The following PABIR3 variants were observed in gnomAD, a reference collection of about 807,000 sequenced individuals.
PABIR3 encodes PABIR family member 3, also known as PABIR family member 1.
In PABIR3, 20 loss-of-function variants were observed where a neutral mutation model predicts 23.1. The ratio of observed to expected loss-of-function variants is 0.86; its 90% CI spans 0.61 to 1.26. The LOEUF (loss-of-function observed/expected upper bound fraction) is 1.26, where lower values mean the gene tolerates loss of function less well. Ranked by LOEUF, PABIR3 falls within the 50% of genes most tolerant of loss-of-function variation. The pLI, the probability that PABIR3 is intolerant of heterozygous loss-of-function variation, is 0.00. For synonymous variants in PABIR3, 69 were observed against 68.5 expected, an observed-to-expected ratio of 1.01 and a Z score of -0.04; for missense variants, 189 against 195.4, an observed-to-expected ratio of 0.97 and a Z score of 0.20.
chrX:134,845,419 C>A lies in PABIR3; in HGVS notation c.345+18C>A, dbSNP rs138031211. The A allele has an allele frequency of 4.7e-3, 5,432 of 1,160,106 alleles. 149 individuals are homozygous for A. In the African/African-American group the frequency reaches 0.085, roughly 18 times the overall value. On this transcript the variant is annotated intron_variant, in intron 6 of 10. Coordinates refer to ENST00000645433, the MANE Select transcript of PABIR3 (RefSeq NM_001388447.1). ...TGAAACTGGTATGATATTATAACTT[C>A]AGTTTTGTAGAAAATTTCAAATTTT...
chrX:134,825,840 T>G (rs2081481378), intron 3 of PABIR3, among the ~76,000 whole-genome samples: 1 of 102,966 alleles, frequency 9.7e-6, no homozygotes, highest in South Asian at 4.6e-4. Flanking sequence ...TTTTTTTTTT[T>G]TTTTTTTTTG....
intron 2 of PABIR3, chrX:134,810,825 T>C: frequency 1.3e-6 from 1 of 753,077 alleles, no homozygotes; most frequent in African/African-American, 2.3e-5. Context: ...GAATTAAAGA[T>C]ATAGAAACCA....
intron 3 of PABIR3, chrX:134,822,336 T>G (rs776096289): frequency 3.8e-4 from 284 of 748,816 alleles, no homozygotes; most frequent in Non-Finnish European, 4.3e-4. Flanking sequence ...TTGGGGAGAA[T>G]TCTCTTCCAG....
downstream of PABIR3, among the ~76,000 whole-genome samples, chrX:134,858,582 G>A (rs2082759622): frequency 8.9e-6 from 1 of 111,876 alleles, no homozygotes; most frequent in African/African-American, 3.2e-5. Flanking sequence ...TGCCTGAAGT[G>A]TTTTTAAATA....
rs34486506 is a variant in PABIR3 at position 134,821,244 on chromosome X, TAAAAAAAAAAAAAA to T, written c.189+6405_189+6418del. The T allele has an allele frequency of 5.3e-6, 3 of 568,636 alleles. No individual in the cohort carries two copies. In the African/African-American group the frequency reaches 1.1e-4, roughly 21 times the overall value. The allele number at this position is 568,636 out of a possible 1,213,427, so 46.9% of individuals were successfully genotyped here. A position where few individuals can be genotyped will look rare whatever the true frequency, so the allele number is the denominator to read the frequency against. ...AAAGATGCGTATTTTCCAAGCATTG[TAAAAAAAAAAAAAA>T]AAAAAAAAACTGTTCCCTCACAATT... On this transcript the variant is annotated intron_variant, in intron 3 of 10. Coordinates refer to ENST00000645433, the MANE Select transcript of PABIR3 (RefSeq NM_001388447.1).
chrX:134,852,992 A>G, intron 10 of PABIR3, 96 bp downstream of exon 10: 1 of 438,708 alleles, frequency 2.3e-6, no homozygotes, highest in Non-Finnish European at 3.5e-6. Flanking sequence ...AGTATGGTAC[A>G]TTATTAACTG....
chrX:134,843,631 G>A (rs1482206644), intron 4 of PABIR3, among the ~76,000 whole-genome samples: 1 of 93,861 alleles, frequency 1.1e-5, no homozygotes, highest in African/African-American at 4.1e-5. Flanking sequence ...GCAGTGGCGT[G>A]ATCTCGGCTC....
At chrX:134,838,292 A>G (rs1303436140) in intron 4 of PABIR3, among the ~76,000 whole-genome samples, 5 of 109,915 alleles carry the variant, frequency 4.5e-5, no homozygotes, top group Non-Finnish European at 9.5e-5. Flanking sequence ...AGTTTATCCA[A>G]CTTCCACAAT....
At chrX:134,812,605 G>A (rs775857412) in intron 2 of PABIR3, among the ~76,000 whole-genome samples, 2 of 111,463 alleles carry the variant, frequency 1.8e-5, no homozygotes, top group African/African-American at 3.3e-5. Flanking sequence ...GGGAGCTTAA[G>A]ATAAGTGCGT....
In PABIR3 at chrX:134,846,595, A is replaced by G. The variant is rs188896110; in HGVS notation, c.346-788A>G. Among the ~76,000 whole-genome samples the G allele has an allele frequency of 1.3e-4, 14 of 111,842 alleles. 1 individual carries two copies. The East Asian group carries it at 3.9e-3, about 31-fold the overall frequency. ...AATCTTCAGATTTGGGAATTATTTG[A>G]TATGGAAATGGATCATCAGCAGAAG... On this transcript the variant is annotated intron_variant, in intron 6 of 10. Transcript: ENST00000645433.
intron 3 of PABIR3, chrX:134,821,580 T>C: frequency 8.7e-7 from 1 of 1,145,197 alleles, no homozygotes; most frequent in Non-Finnish European, 1.2e-6. Flanking sequence ...AGAGAAAAGG[T>C]TGTGCTTTTC....
At chrX:134,825,095 G>A (rs2081447587) in intron 3 of PABIR3, among the ~76,000 whole-genome samples, 1 of 111,467 alleles carries the variant, frequency 9.0e-6, no homozygotes, top group African/African-American at 3.3e-5. Context: ...GGGTATGTGG[G>A]AACTCTTTAT....
chrX:134,821,244 TAAAAAAAAAA>T (rs34486506), intron 3 of PABIR3: 3 of 568,658 alleles, frequency 5.3e-6, no homozygotes, highest in Admixed American at 7.0e-5. Flanking sequence ...CCAAGCATTG[TAAAAAAAAAA>T]AAAAAAAAAA....
chrX:134,818,087 C>T (rs767182858), intron 3 of PABIR3, among the ~76,000 whole-genome samples: 2 of 111,329 alleles, frequency 1.8e-5, no homozygotes, highest in South Asian at 7.5e-4. Context: ...GCTTGGGCAG[C>T]TGATGGGATG....
At chrX:134,843,928 T>C (rs1342126027) in intron 4 of PABIR3, among the ~76,000 whole-genome samples, 2 of 97,101 alleles carry the variant, frequency 2.1e-5, no homozygotes, top group Non-Finnish European at 4.1e-5. Flanking sequence ...CTTTTTTTTT[T>C]TTTTTTTTTT....
At chrX:134,820,894 C>G (rs979115490) in intron 3 of PABIR3, among the ~76,000 whole-genome samples, 1 of 108,083 alleles carries the variant, frequency 9.3e-6, no homozygotes, top group Non-Finnish European at 1.9e-5. Context: ...TGGTGGCACG[C>G]GCCTGTAATC....
intron 4 of PABIR3, among the ~76,000 whole-genome samples, chrX:134,841,469 C>T (rs2082229396): frequency 9.0e-6 from 1 of 111,534 alleles, no homozygotes; most frequent in Admixed American, 9.6e-5. Flanking sequence ...TTATGTGAAT[C>T]ATAGAATATA....
Position 134,847,439 on chromosome X carries a change from ATCC to A in PABIR3, c.405_407del (p.Ser136del). ...TAAAGTGCATTGATTTAACTCCAGT[ATCC>A]TCAATGGCTTCTTCCATCAAGAAGA... On this transcript the variant is annotated inframe_deletion, in exon 7 of 11. Coordinates refer to ENST00000645433, the MANE Select transcript of PABIR3 (RefSeq NM_001388447.1). 1 of 1,207,072 alleles carries A rather than the reference ATCC, an allele frequency of 8.3e-7. No homozygotes were observed. The highest frequency in any genetic ancestry group is 1.1e-6 in the Non-Finnish European group (1 of 891,563).
At chrX:134,803,930 A>G (rs755153664), upstream of PABIR3, among the ~76,000 whole-genome samples, 58 of 103,851 alleles carry the variant, frequency 5.6e-4, no homozygotes, top group African/African-American at 2.1e-3. Flanking sequence ...TTAACCTTTC[A>G]TGTAAATCTT....
Sources: allele counts gnomAD v4.1 joint callset (sites outside exome capture counted in the v4.1 genomes callset), GRCh38; gene constraint gnomAD v4.1.1; transcripts MANE v1.5; gene names NCBI Gene and HGNC (gene_info 2026-07-23, HGNC 2026-07-21).